COL8A1: variants seen among roughly 807,000 people sequenced by gnomAD.
The protein encoded by COL8A1 is collagen alpha-1(VIII) chain.
Under a neutral mutation model 42.7 loss-of-function variants are expected in COL8A1, and 21 were observed. The ratio of observed to expected loss-of-function variants is 0.49; its 90% CI spans 0.35 to 0.71. The LOEUF is 0.71. COL8A1 is among the 30% of genes least tolerant of loss of function. COL8A1 has a pLI of 0.01. For synonymous variants in COL8A1, 367 were observed against 369.1 expected (o/e 0.99, Z 0.06); for missense variants, 788 against 962.4 (o/e 0.82, Z 2.40).
intron 1 of COL8A1, among the ~76,000 whole-genome samples, chr3:99,730,906 C>T (rs1044786126): frequency 2.6e-5 from 4 of 151,936 alleles, no homozygotes; most frequent in Admixed American, 2.6e-4. Context: ...TTTAAAATGC[C>T]CATATAGTTT....
intron 1 of COL8A1, among the ~76,000 whole-genome samples, chr3:99,692,885 C>T (rs1489071551): frequency 6.6e-6 from 1 of 152,204 alleles, no homozygotes; most frequent in East Asian, 1.9e-4. Context: ...CATGGCTGGA[C>T]GCGTGGCTCA....
At chr3:99,647,603 A>G (rs964160522) in intron 1 of COL8A1, among the ~76,000 whole-genome samples, 3 of 152,166 alleles carry the variant, frequency 2.0e-5, no homozygotes, top group African/African-American at 7.2e-5. Flanking sequence ...TATAGAGAGA[A>G]GCGGCCAACA....
intron 1 of COL8A1, among the ~76,000 whole-genome samples, chr3:99,651,426 A>G (rs564683055): frequency 6.6e-6 from 1 of 152,282 alleles, no homozygotes; most frequent in East Asian, 1.9e-4. Context: ...TTTTGTCTCT[A>G]TTTCTGTGTT....
At chr3:99,660,889 A>G (rs889748035) in intron 1 of COL8A1, among the ~76,000 whole-genome samples, 3 of 152,162 alleles carry the variant, frequency 2.0e-5, no homozygotes, top group Non-Finnish European at 4.4e-5. Context: ...TGTTTGAAAA[A>G]CAGAGTGGCA....
intron 1 of COL8A1, among the ~76,000 whole-genome samples, chr3:99,697,313 G>A (rs1939409067): frequency 6.6e-6 from 1 of 152,276 alleles, no homozygotes; most frequent in Admixed American, 6.5e-5. Context: ...CAAAGAACTT[G>A]AGTGTATATT....
chr3:99,740,283 G>A (rs529797263), intron 1 of COL8A1, among the ~76,000 whole-genome samples: 69 of 152,186 alleles, frequency 4.5e-4, no homozygotes, highest in South Asian at 2.9e-3. Context: ...TTCCAAAGTC[G>A]CTTCCACATT....
chr3:99,701,026 C>T (rs1278165047), intron 1 of COL8A1, among the ~76,000 whole-genome samples: 1 of 152,150 alleles, frequency 6.6e-6, no homozygotes, highest in Non-Finnish European at 1.5e-5. Flanking sequence ...TTGTTTACAA[C>T]ATGAAAAGCA....
chr3:99,762,565 A>G (rs1347880752), intron 2 of COL8A1, among the ~76,000 whole-genome samples: 3 of 152,180 alleles, frequency 2.0e-5, no homozygotes, highest in Non-Finnish European at 4.4e-5. Flanking sequence ...GCCATGGACC[A>G]CAACAGATTT....
At chr3:99,785,744 A>C (rs1941882188) in intron 2 of COL8A1, among the ~76,000 whole-genome samples, 1 of 152,212 alleles carries the variant, frequency 6.6e-6, no homozygotes, top group South Asian at 2.1e-4. Flanking sequence ...GTGAAGACGC[A>C]GGGAGGTGAC....
In COL8A1 at chr3:99,647,714, A is replaced by G. The variant is rs78371593; in HGVS notation, c.-129+9050A>G. On this transcript the variant is annotated intron_variant, in intron 1 of 3. Coordinates refer to ENST00000652472, the MANE Select transcript of COL8A1 (RefSeq NM_020351.4). ...TCCTGCTTTATCTTTACTATCATTAACTAACCAAGATCGTTGGCCAAATAT... is the reference window on the plus strand; with the variant it reads ...TCCTGCTTTATCTTTACTATCATTAGCTAACCAAGATCGTTGGCCAAATAT... Among the ~76,000 whole-genome samples the G allele has an allele frequency of 4.9e-4, 74 of 152,286 alleles. No homozygotes were observed. The East Asian group carries it at 0.014, about 29-fold the overall frequency.
Position 99,795,817 on chromosome 3 carries a change from T to C in COL8A1, c.1916T>C (p.Leu639Pro), listed in dbSNP as rs1478510764. Residue 639 changes from leucine (L) to proline (P), a missense_variant, in exon 4 of 4, where the codon CTG (leucine) becomes CCG (proline). Leu to Pro is a moderately conservative substitution (Grantham distance 98). Around this residue, in one of 4 missense-constraint regions of COL8A1, gnomAD observed 212 missense variants for 210.9 expected, o/e 1.00. Transcript: ENST00000652472. ...GCCCCAGTGAAGTTTAACAAACTGC[T>C]GTATAACGGCAGACAGAACTACAAC... ...VGAPVKFNKL[L>P]YNGRQNYNPQ... The C allele has an allele frequency of 6.2e-7, 1 of 1,614,210 alleles. No individual in the cohort carries two copies. Among genetic ancestry groups the C allele is most frequent in the Admixed American group, 1.7e-5 (1 of 60,032 alleles).
intron 1 of COL8A1, among the ~76,000 whole-genome samples, chr3:99,658,366 G>A (rs1052270168): frequency 6.6e-6 from 1 of 152,128 alleles, no homozygotes; most frequent in African/African-American, 2.4e-5. Flanking sequence ...AGAACACCCT[G>A]CCTTCTCATC....
intron 1 of COL8A1, chr3:99,680,607 C>A (rs1437384574): frequency 2.6e-5 from 4 of 152,170 alleles, no homozygotes; most frequent in Non-Finnish European, 4.4e-5. Context: ...TTTACAGTCC[C>A]ACCAACAGTG....
chr3:99,668,987 G>C (rs1938447190), intron 1 of COL8A1, among the ~76,000 whole-genome samples: 1 of 151,566 alleles, frequency 6.6e-6, no homozygotes, highest in Non-Finnish European at 1.5e-5. Context: ...TAGCTTAACT[G>C]GATCCTCTGC....
At chr3:99,793,381 C>A (rs571247183) in intron 3 of COL8A1, among the ~76,000 whole-genome samples, 283 of 151,912 alleles carry the variant, frequency 1.9e-3, no homozygotes, top group African/African-American at 6.6e-3. Flanking sequence ...TCACTTTGTA[C>A]CCCATAAATA....
At position 99,736,368 on chromosome 3, in the gene COL8A1, T is replaced by C. The variant is rs947263668; in HGVS notation, c.-128-8529T>C. Reference sequence around the variant, plus strand: ...TATGTTGTGTCTTTGTTCTCATTGGTTTCAAAGAACATCTTTTTTTTTTAT... The same window carrying C: ...TATGTTGTGTCTTTGTTCTCATTGGCTTCAAAGAACATCTTTTTTTTTTAT... On this transcript the variant is annotated intron_variant, in intron 1 of 3. Transcript: ENST00000652472. Among the ~76,000 whole-genome samples, 4 of 152,316 alleles carry C rather than the reference T, an allele frequency of 2.6e-5. 1 individual carries two copies. In the East Asian group the frequency reaches 7.7e-4, roughly 29 times the overall value.
At chr3:99,751,750 T>G (rs779791543) in intron 2 of COL8A1, among the ~76,000 whole-genome samples, 1 of 152,216 alleles carries the variant, frequency 6.6e-6, no homozygotes, top group Admixed American at 6.5e-5. Flanking sequence ...TAACAGTGAC[T>G]GTGGAAAGCA....
At chr3:99,733,047 T>C (rs1168104282) in intron 1 of COL8A1, among the ~76,000 whole-genome samples, 1 of 151,644 alleles carries the variant, frequency 6.6e-6, no homozygotes, top group Admixed American at 6.6e-5. Context: ...ATGCAAAATG[T>C]CAGCTCCCAC....
In COL8A1 at chr3:99,680,121, A is replaced by G. The variant is rs1188026154; in HGVS notation, c.-129+41457A>G. The G allele has an allele frequency of 2.0e-5, 3 of 152,182 alleles. No individual in the cohort carries two copies. In the South Asian group the frequency reaches 6.2e-4, roughly 32 times the overall value. The allele number at this position is 152,182 out of a possible 1,614,324, so 9.4% of individuals were successfully genotyped here. A position where few individuals can be genotyped will look rare whatever the true frequency, so the allele number is the denominator to read the frequency against. ...TTAACTCATCATTTACATTAGGTAT[A>G]TCTCCTAATGCTATCCCTCCCACCT... On this transcript the variant is annotated intron_variant, in intron 1 of 3. Coordinates refer to ENST00000652472, the MANE Select transcript of COL8A1 (RefSeq NM_020351.4).
Sources: allele counts gnomAD v4.1 joint callset (sites outside exome capture counted in the v4.1 genomes callset), GRCh38; gene constraint gnomAD v4.1.1; regional missense constraint gnomAD v4.1.1; transcripts MANE v1.5; gene names NCBI Gene and HGNC (gene_info 2026-07-23, HGNC 2026-07-21).